DPP6: variants seen among roughly 807,000 people sequenced by gnomAD.
DPP6 encodes A-type potassium channel modulatory protein DPP6.
A neutral mutation model predicts 122.6 loss-of-function variants in DPP6; 69 were observed. The ratio of observed to expected loss-of-function variants is 0.56; its 90% CI spans 0.46 to 0.69. DPP6 has a LOEUF of 0.69. DPP6 is among the 30% of genes least tolerant of loss of function. DPP6 has a pLI of 0.00. For synonymous variants in DPP6, 418 were observed against 433.1 expected (o/e 0.97, Z 0.43); for missense variants, 928 against 1,116.9 (o/e 0.83, Z 2.41).
At chr7:154,032,104 G>A (rs1447695764) in intron 1 of DPP6, among the ~76,000 whole-genome samples, 1 of 150,546 alleles carries the variant, frequency 6.6e-6, no homozygotes, top group Admixed American at 6.6e-5. Context: ...TCGATCTCCT[G>A]ACCTTGTGAT....
chr7:154,270,647 A>G (rs1373174854), intron 1 of DPP6, among the ~76,000 whole-genome samples: 4 of 152,190 alleles, frequency 2.6e-5, no homozygotes, highest in Non-Finnish European at 4.4e-5. Flanking sequence ...TTAAGGCGGC[A>G]AAGTGTGTAC....
At chr7:154,725,286 G>A (rs1045652375) in intron 7 of DPP6, among the ~76,000 whole-genome samples, 2 of 152,162 alleles carry the variant, frequency 1.3e-5, no homozygotes, top group African/African-American at 4.8e-5. Flanking sequence ...ATTTGATATT[G>A]TATTAGTCCA....
chr7:154,071,156 A>T (rs1411468686), intron 1 of DPP6, among the ~76,000 whole-genome samples: 1 of 152,196 alleles, frequency 6.6e-6, no homozygotes, highest in East Asian at 1.9e-4. Flanking sequence ...CTAATGAGTT[A>T]TTCATACTGG....
At chr7:154,735,190 C>A (rs10247466) in intron 8 of DPP6, among the ~76,000 whole-genome samples, 3,965 of 152,244 alleles carry the variant, frequency 0.026, 186 homozygotes, top group African/African-American at 0.09. Context: ...TGTTGAACAC[C>A]TCTTCAAGAG....
intron 1 of DPP6, among the ~76,000 whole-genome samples, chr7:154,394,109 G>A (rs1282394390): frequency 6.6e-6 from 1 of 152,192 alleles, no homozygotes; most frequent in African/African-American, 2.4e-5. Context: ...TATACCAGAA[G>A]TGGAATTGCT....
In DPP6 at chr7:154,737,330, T is replaced by C. The variant is rs145485394; in HGVS notation, c.883+9443T>C. Among the ~76,000 whole-genome samples, 760 of 152,322 alleles carry C rather than the reference T, an allele frequency of 5.0e-3. 10 individuals are homozygous for C. Among genetic ancestry groups the C allele is most frequent in the African/African-American group, 0.017 (721 of 41,582 alleles). ...AGAGTCTGAGGATGCTCAAGTTCCTTGTGTGAAATGGCTTAGCATTTGCCT... is the reference window on the plus strand; with the variant it reads ...AGAGTCTGAGGATGCTCAAGTTCCTCGTGTGAAATGGCTTAGCATTTGCCT... On this transcript the variant is annotated intron_variant, in intron 8 of 25. Transcript: ENST00000377770.
At chr7:154,306,216 A>T (rs1044418119) in intron 1 of DPP6, among the ~76,000 whole-genome samples, 5 of 152,200 alleles carry the variant, frequency 3.3e-5, no homozygotes, top group African/African-American at 1.2e-4. Flanking sequence ...CACATGGCAC[A>T]GGGCGGCCGC....
chr7:154,295,248 G>T (rs550701615), intron 1 of DPP6, among the ~76,000 whole-genome samples: 181 of 152,360 alleles, frequency 1.2e-3, no homozygotes, highest in Middle Eastern at 3.4e-3. Context: ...CAAAGCTGGA[G>T]TGAGACATGA....
chr7:154,599,550 G>A (rs1833302375), intron 5 of DPP6, among the ~76,000 whole-genome samples: 2 of 151,364 alleles, frequency 1.3e-5, no homozygotes, highest in African/African-American at 4.9e-5. Context: ...TAGGGTACAT[G>A]TGCACAACGT....
intron 1 of DPP6, among the ~76,000 whole-genome samples, chr7:154,436,548 AG>A (rs1818883646): frequency 6.6e-6 from 1 of 152,198 alleles, no homozygotes; most frequent in Non-Finnish European, 1.5e-5. Flanking sequence ...TCAGCACGTT[AG>A]GCCAATGCTC....
chr7:153,822,195 T>C, the DPP6 span, among the ~76,000 whole-genome samples: 1 of 128,214 alleles, frequency 7.8e-6, no homozygotes. Flanking sequence ...TTTTTTTTTT[T>C]TTTTTTTTTT....
the DPP6 span, among the ~76,000 whole-genome samples, chr7:153,819,000 T>A: frequency 6.8e-6 from 1 of 146,688 alleles, no homozygotes; most frequent in African/African-American, 2.6e-5. Flanking sequence ...TCCGCCCTCA[T>A]CAGCCTCCCA....
chr7:154,121,706 C>T (rs71532672), intron 1 of DPP6, among the ~76,000 whole-genome samples: 2 of 152,210 alleles, frequency 1.3e-5, no homozygotes, highest in African/African-American at 4.8e-5. Flanking sequence ...ACATACAGTC[C>T]ATTTTAGAGA....
At chr7:154,761,562 G>C (rs866608272) in intron 8 of DPP6, among the ~76,000 whole-genome samples, 1 of 152,220 alleles carries the variant, frequency 6.6e-6, no homozygotes, top group Non-Finnish European at 1.5e-5. Flanking sequence ...TGTGCAGGAA[G>C]CATAGAGGCA....
intron 1 of DPP6, among the ~76,000 whole-genome samples, chr7:154,180,437 A>T (rs1266424236): frequency 6.9e-6 from 1 of 145,910 alleles, no homozygotes; most frequent in East Asian, 2.0e-4. Flanking sequence ...TATAATATAT[A>T]TACACATTTA....
intron 2 of DPP6, among the ~76,000 whole-genome samples, chr7:154,456,134 A>T (rs2151307321): frequency 6.6e-6 from 1 of 152,334 alleles, no homozygotes; most frequent in East Asian, 1.9e-4. Flanking sequence ...CTGGAGAGCA[A>T]TTCTGTAAAA....
exon 1 of DPP6, chr7:153,887,666 G>A: frequency 6.2e-7 from 1 of 1,613,846 alleles, no homozygotes; most frequent in African/African-American, 1.3e-5. Flanking sequence ...CAGAAGTCGG[G>A]TTCGGACTTG....
intron 16 of DPP6, among the ~76,000 whole-genome samples, chr7:154,852,867 T>C (rs1196813651): frequency 7.2e-6 from 1 of 138,274 alleles, no homozygotes; most frequent in Non-Finnish European, 1.5e-5. Context: ...TAGTTGGAGA[T>C]GGCATTTGAG....
chr7:154,536,914 T>C (rs1280151790), intron 3 of DPP6, among the ~76,000 whole-genome samples: 1 of 152,188 alleles, frequency 6.6e-6, no homozygotes, highest in Non-Finnish European at 1.5e-5. Context: ...CCTCACACCA[T>C]ACATTCATGT....
Sources: gnomAD v4.1 joint callset for allele counts (sites outside exome capture counted in the v4.1 genomes callset) on GRCh38, gnomAD v4.1.1 for gene constraint, MANE v1.5 for transcripts, NCBI Gene and HGNC (gene_info 2026-07-23, HGNC 2026-07-21) for gene names.